Variants in ACTR3C observed in about 807,000 individuals in gnomAD.
The protein encoded by ACTR3C is actin related protein 3C.
A neutral mutation model predicts 26.3 loss-of-function variants in ACTR3C; 18 were observed. The ratio of observed to expected loss-of-function variants is 0.68; its 90% CI spans 0.47 to 1.01. The LOEUF (loss-of-function observed/expected upper bound fraction) is 1.01, where lower values mean the gene tolerates loss of function less well. ACTR3C is among the 50% of genes least tolerant of loss of function. The probability of loss-of-function intolerance (pLI) is 0.00; values close to 1 mark genes in which losing one functional copy is unlikely to be tolerated. For synonymous variants in ACTR3C, 55 were observed against 94.5 expected (o/e 0.58, Z 2.42); for missense variants, 184 against 250.7 (o/e 0.73, Z 1.80).
At chr7:150,139,348 AAAAAT>A in the ACTR3C span, among the ~76,000 whole-genome samples, 1 of 152,254 alleles carries the variant, frequency 6.6e-6, no homozygotes, top group Non-Finnish European at 1.5e-5. Context: ...CCTGGTAAAA[AAAAAT>A]AAAATAAAAA....
At chr7:150,039,266 T>A in the ACTR3C span, among the ~76,000 whole-genome samples, 1 of 147,974 alleles carries the variant, frequency 6.8e-6, no homozygotes, top group Non-Finnish European at 1.5e-5. Context: ...AATCTCTGCC[T>A]CGGGGGGGTG....
the ACTR3C span, among the ~76,000 whole-genome samples, chr7:150,073,441 G>C: frequency 6.7e-6 from 1 of 150,128 alleles, no homozygotes; most frequent in Non-Finnish European, 1.5e-5. Context: ...TCTATTTCCT[G>C]GTGGGAAGTG....
At chr7:150,186,608 C>T in the ACTR3C span, among the ~76,000 whole-genome samples, 1 of 152,120 alleles carries the variant, frequency 6.6e-6, no homozygotes, top group Admixed American at 6.5e-5. Flanking sequence ...GAAATTACTC[C>T]TCATTTTTCA....
At chr7:149,940,830 G>T in the ACTR3C span, among the ~76,000 whole-genome samples, 1 of 150,490 alleles carries the variant, frequency 6.6e-6, no homozygotes, top group Non-Finnish European at 1.5e-5. Context: ...TGGGTAGAGG[G>T]TTGGAGAACA....
the ACTR3C span, chr7:150,074,439 A>G: frequency 3.9e-5 from 6 of 152,124 alleles, no homozygotes; most frequent in African/African-American, 1.4e-4. Context: ...CTTTCCCAGA[A>G]ACCATGTTAC....
chr7:150,188,903 A>ATG, the ACTR3C span, among the ~76,000 whole-genome samples: 1 of 149,726 alleles, frequency 6.7e-6, no homozygotes, highest in South Asian at 2.1e-4. Flanking sequence ...ACTCAAAAAT[A>ATG]TGTGTATGCA....
At chr7:149,982,480 A>T in the ACTR3C span, among the ~76,000 whole-genome samples, 3 of 152,232 alleles carry the variant, frequency 2.0e-5, no homozygotes, top group East Asian at 5.8e-4. Flanking sequence ...TTTAGCCTTC[A>T]TATTATCCCT....
At chr7:150,096,288 T>G in the ACTR3C span, among the ~76,000 whole-genome samples, 2 of 150,914 alleles carry the variant, frequency 1.3e-5, no homozygotes, top group Non-Finnish European at 2.9e-5. Flanking sequence ...TCTCAATTAA[T>G]TTGGAGTTTA....
the ACTR3C span, among the ~76,000 whole-genome samples, chr7:150,102,490 T>TC: frequency 7.2e-5 from 11 of 152,078 alleles, no homozygotes; most frequent in African/African-American, 2.7e-4. Flanking sequence ...CTCCTTTTTT[T>TC]CCCTTCTACC....
At chr7:150,115,135 C>T in the ACTR3C span, among the ~76,000 whole-genome samples, 5 of 152,156 alleles carry the variant, frequency 3.3e-5, no homozygotes, top group East Asian at 3.8e-4. Context: ...AATTATTCAA[C>T]GTCTACTAGA....
At chr7:150,066,364 C>T in the ACTR3C span, among the ~76,000 whole-genome samples, 1 of 152,232 alleles carries the variant, frequency 6.6e-6, no homozygotes, top group Admixed American at 6.5e-5. Flanking sequence ...AATGGACTTC[C>T]ATTCCCTCAG....
the ACTR3C span, among the ~76,000 whole-genome samples, chr7:149,942,800 A>T: frequency 3.4e-5 from 5 of 148,496 alleles, no homozygotes; most frequent in Admixed American, 2.7e-4. Context: ...GATCACCAAC[A>T]AATATAGCAA....
At chr7:150,285,676 T>G (rs1835722802) in intron 5 of ACTR3C, among the ~76,000 whole-genome samples, 1 of 152,160 alleles carries the variant, frequency 6.6e-6, no homozygotes, top group Non-Finnish European at 1.5e-5. Flanking sequence ...TATACACATC[T>G]AAAAACAAAC....
At chr7:149,913,378 G>A in the ACTR3C span, among the ~76,000 whole-genome samples, 53 of 152,286 alleles carry the variant, frequency 3.5e-4, no homozygotes, top group South Asian at 8.3e-4. Context: ...TCACTGAGCC[G>A]TACTCAGACT....
chr7:149,938,768 T>C, the ACTR3C span, among the ~76,000 whole-genome samples: 8 of 151,788 alleles, frequency 5.3e-5, no homozygotes, highest in African/African-American at 1.9e-4. Flanking sequence ...TCAGCAACAA[T>C]GCAATCATCT....
At chr7:150,035,929 TCC>T in the ACTR3C span, among the ~76,000 whole-genome samples, 3 of 121,942 alleles carry the variant, frequency 2.5e-5, no homozygotes, top group African/African-American at 9.3e-5. Flanking sequence ...TGCCTCGCCC[TCC>T]TGCGATGGGG....
chr7:150,287,688 A>G (rs1202196259), intron 4 of ACTR3C, among the ~76,000 whole-genome samples: 1 of 151,210 alleles, frequency 6.6e-6, no homozygotes, highest in South Asian at 2.1e-4. Context: ...TTCTAATGCC[A>G]TCTTCTGGGT....
intron 6 of ACTR3C, among the ~76,000 whole-genome samples, chr7:150,262,802 C>T (rs1238631475): frequency 6.6e-6 from 1 of 152,098 alleles, no homozygotes; most frequent in Non-Finnish European, 1.5e-5. Flanking sequence ...AGTAGGAAAA[C>T]ACTGAAAATT....
At chr7:150,053,520 G>C in the ACTR3C span, among the ~76,000 whole-genome samples, 2 of 152,238 alleles carry the variant, frequency 1.3e-5, no homozygotes, top group Admixed American at 1.3e-4. Context: ...ACCAAGTCCT[G>C]CTTGCGGTAT....
Sources: gnomAD v4.1 joint callset for allele counts (sites outside exome capture counted in the v4.1 genomes callset) on GRCh38, gnomAD v4.1.1 for gene constraint, MANE v1.5 for transcripts, NCBI Gene and HGNC (gene_info 2026-07-23, HGNC 2026-07-21) for gene names.